ETFDH: variants seen among roughly 807,000 people sequenced by gnomAD.
The protein encoded by ETFDH is electron transfer flavoprotein-ubiquinone oxidoreductase, mitochondrial.
Under a neutral mutation model 73.2 loss-of-function variants are expected in ETFDH, and 61 were observed. That is an observed-to-expected ratio of 0.83 (90% CI 0.68 to 1.03). The LOEUF is 1.03. Among genes scored for constraint, ETFDH ranks in the 50% least tolerant of loss-of-function variants. ETFDH has a pLI of 0.00. For missense variants in ETFDH, 685 were observed against 745.0 expected (o/e 0.92, Z 0.94); for synonymous variants, 243 against 253.3 (o/e 0.96, Z 0.39).
At position 158,706,679 on chromosome 4, in the gene ETFDH, T is replaced by G. The variant is rs779944719; in HGVS notation, c.1519T>G (p.Tyr507Asp). ...KPAKDCTPIE[Y>D]PKPDGQISFD... is the part of the protein sequence containing the mutation. ...AGCCAAGGATTGCACACCTATTGAG[T>G]ATCCAAAACCCGATGGACAGATCAG... Residue 507 changes from tyrosine (Y) to aspartate (D), a missense_variant, in exon 12 of 13, where the codon TAT (tyrosine) becomes GAT (aspartate). Tyr to Asp is a radical substitution (Grantham distance 160). Around this residue, in one of 3 missense-constraint regions of ETFDH, gnomAD observed 201 missense variants for 225.2 expected, o/e 0.89. Coordinates refer to ENST00000511912, the MANE Select transcript of ETFDH (RefSeq NM_004453.4). The G allele has an allele frequency of 3.1e-6, 5 of 1,614,050 alleles. No homozygotes were observed. In the East Asian group the frequency reaches 1.1e-4, roughly 36 times the overall value.
chr4:158,709,485 T>C lies in ETFDH; in HGVS notation c.*958T>C, dbSNP rs1445361733. On this transcript the variant is annotated 3_prime_UTR_variant, in exon 13 of 13. Coordinates refer to ENST00000511912, the MANE Select transcript of ETFDH (RefSeq NM_004453.4). ...AGGCAGAGGATGCAGTGAGCCGAGATTGCGCCACCGCACTCCAGCCTGGGT... is the reference window on the plus strand; with the variant it reads ...AGGCAGAGGATGCAGTGAGCCGAGACTGCGCCACCGCACTCCAGCCTGGGT... 7 of 270,922 alleles carry C rather than the reference T, an allele frequency of 2.6e-5. No individual in the cohort carries two copies. In the East Asian group the frequency reaches 3.6e-4, roughly 14 times the overall value. The allele number at this position is 270,922 out of a possible 1,614,324, so 16.8% of individuals were successfully genotyped here.
rs1774347448 is a variant in ETFDH at position 158,697,676 on chromosome 4, C to T, written c.949C>T (p.Pro317Ser). 1.2e-6 allele frequency: 2 copies of T among 1,613,656 alleles called. No individual in the cohort carries two copies. The highest frequency in any genetic ancestry group is 1.7e-6 in the Non-Finnish European group (2 of 1,179,770). The change falls in exon 8 of 13, where the codon CCC becomes TCC. Residue 317 changes from proline to serine, a missense_variant. By Grantham distance (74) the Pro-to-Ser change is moderately conservative. Around this residue, in one of 3 missense-constraint regions of ETFDH, gnomAD observed 405 missense variants for 399.3 expected, o/e 1.01. Transcript: ENST00000511912. ...CCTCTATCATTTGAATGAAGGTGAACCCCTAGTAGCTCTTGGTCTTGTGGT... is the reference window on the plus strand; with the variant it reads ...CCTCTATCATTTGAATGAAGGTGAATCCCTAGTAGCTCTTGGTCTTGTGGT... ...SFLYHLNEGE[P>S]LVALGLVVGL...
At chr4:158,699,234 G>C in intron 9 of ETFDH, 104 bp downstream of exon 9, 1 of 961,410 alleles carries the variant, frequency 1.0e-6, no homozygotes, top group Middle Eastern at 2.2e-4. Flanking sequence ...TATTGGAATA[G>C]GAAAAGTATG....
At chr4:158,686,225 C>G (rs1554031801) in intron 5 of ETFDH, among the ~76,000 whole-genome samples, 1 of 152,160 alleles carries the variant, frequency 6.6e-6, no homozygotes, top group Non-Finnish European at 1.5e-5. Flanking sequence ...CTATCATTTT[C>G]TGAGCCCCAA....
intron 7 of ETFDH, among the ~76,000 whole-genome samples, chr4:158,696,399 T>C (rs895039686): frequency 6.6e-6 from 1 of 152,034 alleles, no homozygotes; most frequent in Non-Finnish European, 1.5e-5. Flanking sequence ...CCAGCTACTC[T>C]GGAGGCTGAA....
chr4:158,693,105 CTATT>C (rs1328701854), intron 6 of ETFDH, among the ~76,000 whole-genome samples: 1 of 152,120 alleles, frequency 6.6e-6, no homozygotes, highest in Non-Finnish European at 1.5e-5. Context: ...GTTCCATTCT[CTATT>C]TAACCCACTG....
At chr4:158,686,320 A>G (rs1774003548) in intron 5 of ETFDH, among the ~76,000 whole-genome samples, 2 of 152,216 alleles carry the variant, frequency 1.3e-5, no homozygotes, top group African/African-American at 4.8e-5. Context: ...TAACAAGAAA[A>G]ACATACCGCA....
intron 2 of ETFDH, among the ~76,000 whole-genome samples, chr4:158,680,856 C>G (rs758931499): frequency 2.0e-5 from 3 of 152,126 alleles, no homozygotes; most frequent in Non-Finnish European, 4.4e-5. Context: ...AGCTTCCAGA[C>G]CATCGTAGCT....
intron 3 of ETFDH, 44 bp from the exon 4 acceptor site, chr4:158,684,548 C>G (rs1350395901): frequency 9.1e-7 from 1 of 1,099,894 alleles, no homozygotes; most frequent in East Asian, 2.4e-5. Flanking sequence ...TTTACACTTG[C>G]AAATATAAAC....
intron 5 of ETFDH, among the ~76,000 whole-genome samples, chr4:158,689,636 A>ATTTT (rs58003899): frequency 1.6e-5 from 1 of 63,676 alleles, no homozygotes. Flanking sequence ...ATATATATAT[A>ATTTT]TTGTGGGGGG....
At chr4:158,673,137 C>A (rs1287397725) in intron 1 of ETFDH, among the ~76,000 whole-genome samples, 1 of 152,182 alleles carries the variant, frequency 6.6e-6, no homozygotes, top group East Asian at 1.9e-4. Flanking sequence ...AACCCCATCT[C>A]TACTAAAAAT....
intron 3 of ETFDH, 48 bp from the exon 4 acceptor site, chr4:158,684,544 C>G (rs1166729952): frequency 9.5e-7 from 1 of 1,054,332 alleles, no homozygotes; most frequent in African/African-American, 1.6e-5. Context: ...TATATTTACA[C>G]TTGCAAATAT....
intron 12 of ETFDH, among the ~76,000 whole-genome samples, chr4:158,707,986 TCTGA>T (rs1310536983): frequency 2.0e-5 from 3 of 152,198 alleles, no homozygotes; most frequent in African/African-American, 7.2e-5. Flanking sequence ...AGAAACGTGT[TCTGA>T]CTGACAATGT....
intron 12 of ETFDH, among the ~76,000 whole-genome samples, chr4:158,707,919 G>A (rs1321998767): frequency 1.3e-5 from 2 of 152,312 alleles, no homozygotes; most frequent in Non-Finnish European, 2.9e-5. Flanking sequence ...GCCAGAGTGT[G>A]GCAAGTGCTT....
chr4:158,706,606 C>G (rs1237097832), intron 11 of ETFDH, 23 bp from the exon 12 acceptor site: 1 of 1,570,480 alleles, frequency 6.4e-7, no homozygotes, highest in Non-Finnish European at 8.8e-7. Flanking sequence ...TTTTGTTAAG[C>G]ATTTCCCTCA....
chr4:158,688,921 GT>G (rs544193573), intron 5 of ETFDH, among the ~76,000 whole-genome samples: 8 of 152,068 alleles, frequency 5.3e-5, no homozygotes, highest in Admixed American at 5.2e-4. Flanking sequence ...TGTTTGTTTT[GT>G]TTTTTGACAA....
In ETFDH at chr4:158,685,199, C is replaced by G. The variant is rs201067972; in HGVS notation, c.586C>G (p.Pro196Ala). The change falls in exon 5 of 13, where the codon CCT becomes GCT. Residue 196 changes from proline (P) to alanine (A), a missense_variant. Physicochemically the swap from Pro to Ala is conservative, Grantham distance 27 (BLOSUM62 -1). Transcript: ENST00000511912. The stretch of plus-strand genomic sequence containing the variant: ...AGAAGCCCTTGGTGTTGAAGTATAC[C>G]CTGGTTATGCAGCTGCTGAGGTTTG... ...QAEALGVEVY[P>A]GYAAAEVLFH... 1.1e-5 allele frequency: 17 copies of G among 1,600,344 alleles called. No homozygotes were observed. In the East Asian group the frequency reaches 3.8e-4, roughly 36 times the overall value.
Position 158,685,084 on chromosome 4 carries a change from T to C in ETFDH, c.488-17T>C. On this transcript the variant is annotated splice_polypyrimidine_tract_variant and intron_variant, in intron 4 of 12. Transcript: ENST00000511912. ...TCAATAAAAAGTCAGATTTATAAATTAAGCATATATTTATAGGGCTTCCAA... is the reference window on the plus strand; with the variant it reads ...TCAATAAAAAGTCAGATTTATAAATCAAGCATATATTTATAGGGCTTCCAA... The C allele has an allele frequency of 7.4e-7, 1 of 1,347,796 alleles. No homozygotes were observed. The highest frequency in any genetic ancestry group is 2.3e-5 in the East Asian group (1 of 43,632). 83.5% of individuals were successfully genotyped at this position (1,347,796 alleles called of 1,614,324 possible).
chr4:158,685,627 G>A (rs1217048090), intron 5 of ETFDH, among the ~76,000 whole-genome samples: 1 of 152,070 alleles, frequency 6.6e-6, no homozygotes, highest in Non-Finnish European at 1.5e-5. Context: ...CCAGTATAGG[G>A]GTGGTATAGG....
Sources: gnomAD v4.1 joint callset for allele counts (sites outside exome capture counted in the v4.1 genomes callset) on GRCh38, gnomAD v4.1.1 for gene constraint, gnomAD v4.1.1 regional missense constraint, MANE v1.5 for transcripts, NCBI Gene and HGNC (gene_info 2026-07-23, HGNC 2026-07-21) for gene names.